NCK2: variants seen among roughly 807,000 people sequenced by gnomAD.
NCK2 encodes the protein NCK adaptor protein 2.
Under a neutral mutation model 33.9 loss-of-function variants are expected in NCK2, and 16 were observed. That is an observed-to-expected ratio of 0.47 (90% CI 0.32 to 0.72). The LOEUF (loss-of-function observed/expected upper bound fraction) is 0.72, where lower values mean the gene tolerates loss of function less well. NCK2 is among the 30% of genes least tolerant of loss of function. The pLI, the probability that NCK2 is intolerant of heterozygous loss-of-function variation, is 0.03. For synonymous variants in NCK2, 273 were observed against 239.9 expected (o/e 1.14, Z -1.27); for missense variants, 418 against 537.3 (o/e 0.78, Z 2.19).
intron 1 of NCK2, among the ~76,000 whole-genome samples, chr2:105,783,326 G>T (rs1690562759): frequency 6.6e-6 from 1 of 152,214 alleles, no homozygotes; most frequent in African/African-American, 2.4e-5. Context: ...GAGCCTCTAA[G>T]AGTCACTAGA....
At chr2:105,883,578 C>A (rs1326132579) in intron 4 of NCK2, among the ~76,000 whole-genome samples, 1 of 152,102 alleles carries the variant, frequency 6.6e-6, no homozygotes, top group Non-Finnish European at 1.5e-5. Flanking sequence ...AAAAGGTGTT[C>A]TCCGGGGTTG....
At chr2:105,859,748 A>G (rs1329147985) in intron 3 of NCK2, among the ~76,000 whole-genome samples, 1 of 152,228 alleles carries the variant, frequency 6.6e-6, no homozygotes, top group East Asian at 1.9e-4. Context: ...ATTGTTACGT[A>G]AGATCCAAAA....
chr2:105,806,495 C>A (rs917534776), intron 1 of NCK2, among the ~76,000 whole-genome samples: 4 of 152,198 alleles, frequency 2.6e-5, no homozygotes, highest in African/African-American at 4.8e-5. Flanking sequence ...GCGTTGGCCT[C>A]CCAAAGTGCT....
At chr2:105,877,163 T>G (rs1678267490) in intron 3 of NCK2, among the ~76,000 whole-genome samples, 1 of 152,070 alleles carries the variant, frequency 6.6e-6, no homozygotes, top group African/African-American at 2.4e-5. Context: ...CCACCTGCAC[T>G]CTTGGTGCAT....
intron 1 of NCK2, among the ~76,000 whole-genome samples, chr2:105,784,076 A>T (rs977960682): frequency 2.0e-5 from 3 of 152,174 alleles, no homozygotes; most frequent in Non-Finnish European, 2.9e-5. Context: ...GCAGTGATGA[A>T]ATTCATTTTC....
intron 1 of NCK2, among the ~76,000 whole-genome samples, chr2:105,773,166 T>C (rs754227086): frequency 3.3e-5 from 5 of 151,990 alleles, no homozygotes; most frequent in Non-Finnish European, 5.9e-5. Flanking sequence ...CCCAAAGTGT[T>C]GGAATTACAG....
chr2:105,777,066 C>A (rs937052266), intron 1 of NCK2, among the ~76,000 whole-genome samples: 2 of 151,934 alleles, frequency 1.3e-5, no homozygotes, highest in African/African-American at 4.8e-5. Flanking sequence ...CAAAATGAGG[C>A]CTTGAGAGTT....
intron 1 of NCK2, among the ~76,000 whole-genome samples, chr2:105,790,236 G>A (rs1023354013): frequency 6.6e-6 from 1 of 152,212 alleles, no homozygotes; most frequent in Non-Finnish European, 1.5e-5. Flanking sequence ...ATTAGGATCT[G>A]TTGATTGGAT....
At chr2:105,752,911 G>GAC (rs138786837) in intron 1 of NCK2, among the ~76,000 whole-genome samples, 63 of 151,868 alleles carry the variant, frequency 4.1e-4, no homozygotes, top group Admixed American at 2.1e-3. Flanking sequence ...CACGGACACA[G>GAC]ACACACACAC....
chr2:105,775,030 T>C (rs1222300348), intron 1 of NCK2, among the ~76,000 whole-genome samples: 1 of 151,802 alleles, frequency 6.6e-6, no homozygotes, highest in Non-Finnish European at 1.5e-5. Flanking sequence ...ATAATAATAA[T>C]ATAATAATAA....
Position 105,835,393 on chromosome 2 carries a change from A to ATATATATATATATATATGTGTGTG in NCK2, c.-17+18792_-17+18793insTATATGTGTGTGTATATATATATA, listed in dbSNP as rs371518634. Among the ~76,000 whole-genome samples the ATATATATATATATATATGTGTGTG allele has an allele frequency of 1.2e-4, 6 of 51,674 alleles. 1 individual carries two copies. In the East Asian group the frequency reaches 2.0e-3, roughly 17 times the overall value. The allele number at this position is 51,674 out of a possible 152,430, so 33.9% of individuals were successfully genotyped here. ...TATATATACATATATATACACATAT[A>ATATATATATATATATATGTGTGTG]TATATATATATACGTGTATATATAT... On this transcript the variant is annotated intron_variant, in intron 2 of 4. Transcript: ENST00000233154.
chr2:105,883,994 G>T (rs1457325813), intron 4 of NCK2, among the ~76,000 whole-genome samples: 1 of 152,198 alleles, frequency 6.6e-6, no homozygotes, highest in African/African-American at 2.4e-5. Flanking sequence ...TGCTGTGCAG[G>T]GCAGCTTGTC....
At chr2:105,818,717 A>G (rs922813320) in intron 2 of NCK2, among the ~76,000 whole-genome samples, 1 of 152,160 alleles carries the variant, frequency 6.6e-6, no homozygotes, top group African/African-American at 2.4e-5. Flanking sequence ...TGCTTCTATT[A>G]TTTGCAGATT....
At chr2:105,831,160 T>A (rs1191583805) in intron 2 of NCK2, among the ~76,000 whole-genome samples, 1 of 152,202 alleles carries the variant, frequency 6.6e-6, no homozygotes, top group Non-Finnish European at 1.5e-5. Flanking sequence ...TATCTCATAT[T>A]CATGGATTAG....
intron 2 of NCK2, among the ~76,000 whole-genome samples, chr2:105,820,784 C>G (rs115831561): frequency 0.018 from 2,711 of 152,242 alleles, 78 homozygotes; most frequent in African/African-American, 0.061. Context: ...TTTTGAAAAG[C>G]TTTTGGAGGC....
intron 1 of NCK2, among the ~76,000 whole-genome samples, chr2:105,806,517 C>G (rs184932336): frequency 3.0e-4 from 46 of 152,314 alleles, no homozygotes; most frequent in African/African-American, 1.1e-3. Context: ...GGATTACAGG[C>G]GTGAGCCACC....
intron 2 of NCK2, among the ~76,000 whole-genome samples, chr2:105,832,187 A>G (rs1676220134): frequency 6.6e-6 from 1 of 152,182 alleles, no homozygotes; most frequent in Non-Finnish European, 1.5e-5. Context: ...TGTTATTGGT[A>G]TATAGAAGAA....
rs1326340363 is a variant in NCK2, at chr2:105,881,251, G to A, written c.227-77G>A. 5.3e-6 allele frequency: 8 copies of A among 1,504,222 alleles called. No homozygotes were observed. In the Admixed American group the frequency reaches 1.1e-4, roughly 20 times the overall value. The allele number at this position is 1,504,222 out of a possible 1,614,324, so 93.2% of individuals were successfully genotyped here. A position where few individuals can be genotyped will look rare whatever the true frequency, so the allele number is the denominator to read the frequency against. ...TGTATTTAACCGCCAGAGAAACTGC[G>A]TGGAAATCCCGGTAGGCTAGGGAGT... On this transcript the variant is annotated intron_variant, in intron 3 of 4. Coordinates refer to ENST00000233154, the MANE Select transcript of NCK2 (RefSeq NM_003581.5).
intron 1 of NCK2, among the ~76,000 whole-genome samples, chr2:105,779,255 C>T (rs907266739): frequency 6.5e-5 from 9 of 138,658 alleles, no homozygotes; most frequent in African/African-American, 2.5e-4. Flanking sequence ...TGCAGTGAGC[C>T]GAGATTGTGC....
Sources: allele counts gnomAD v4.1 joint callset (sites outside exome capture counted in the v4.1 genomes callset), GRCh38; gene constraint gnomAD v4.1.1; transcripts MANE v1.5; gene names NCBI Gene and HGNC (gene_info 2026-07-23, HGNC 2026-07-21).